The following LPP variants were observed in gnomAD, a reference collection of about 807,000 sequenced individuals.
LPP encodes the protein LIM domain containing preferred translocation partner in lipoma.
A neutral mutation model predicts 60.4 loss-of-function variants in LPP; 38 were observed. That is an observed-to-expected ratio of 0.63 (90% CI 0.49 to 0.83). The LOEUF (loss-of-function observed/expected upper bound fraction) is 0.83, where lower values mean the gene tolerates loss of function less well. Among genes scored for constraint, LPP ranks in the 40% least tolerant of loss-of-function variants. LPP has a pLI of 0.00. For missense variants in LPP, 902 were observed against 783.6 expected, an observed-to-expected ratio of 1.15 and a Z score of -1.80; for synonymous variants, 328 against 290.8, an observed-to-expected ratio of 1.13 and a Z score of -1.30.
chr3:188,294,309 C>G (rs748481980), intron 2 of LPP, among the ~76,000 whole-genome samples: 1 of 151,986 alleles, frequency 6.6e-6, no homozygotes, highest in Non-Finnish European at 1.5e-5. Flanking sequence ...AAAACAGAAC[C>G]GTAAACTTTA....
chr3:188,807,380 T>C (rs1749486336), intron 9 of LPP, among the ~76,000 whole-genome samples: 1 of 152,056 alleles, frequency 6.6e-6, no homozygotes, highest in Non-Finnish European at 1.5e-5. Context: ...CCTTAATTTC[T>C]TGGCTCTTCT....
At chr3:188,246,015 C>T (rs1726831531) in intron 2 of LPP, among the ~76,000 whole-genome samples, 1 of 152,132 alleles carries the variant, frequency 6.6e-6, no homozygotes, top group Non-Finnish European at 1.5e-5. Flanking sequence ...TGGACTGATA[C>T]CATAAAATCG....
At chr3:188,357,733 A>G (rs773055500) in intron 3 of LPP, among the ~76,000 whole-genome samples, 18 of 152,224 alleles carry the variant, frequency 1.2e-4, no homozygotes, top group Non-Finnish European at 2.4e-4. Flanking sequence ...TTCTGAGTAT[A>G]GTTTTGGCCA....
At chr3:188,531,340 T>A (rs1822126878) in intron 6 of LPP, among the ~76,000 whole-genome samples, 1 of 152,174 alleles carries the variant, frequency 6.6e-6, no homozygotes, top group Non-Finnish European at 1.5e-5. Flanking sequence ...TGTTCTAACA[T>A]TATTTTGTTA....
At chr3:188,374,954 A>G (rs1306444177) in intron 3 of LPP, among the ~76,000 whole-genome samples, 3 of 152,010 alleles carry the variant, frequency 2.0e-5, no homozygotes, top group African/African-American at 7.2e-5. Flanking sequence ...TTCTGCATCT[A>G]TTGAGATAAT....
intron 8 of LPP, among the ~76,000 whole-genome samples, chr3:188,751,195 A>T (rs1347468325): frequency 6.6e-6 from 1 of 152,164 alleles, no homozygotes; most frequent in African/African-American, 2.4e-5. Flanking sequence ...TTTGGTCTCA[A>T]ATAACCAGAA....
intron 9 of LPP, among the ~76,000 whole-genome samples, chr3:188,762,025 C>G (rs931318545): frequency 6.6e-6 from 1 of 151,608 alleles, no homozygotes; most frequent in Non-Finnish European, 1.5e-5. Context: ...TTTTATAGCT[C>G]CTGTCTATTT....
chr3:188,407,775 TTTTTG>T (rs1783905018), intron 4 of LPP, among the ~76,000 whole-genome samples: 1 of 22,248 alleles, frequency 4.5e-5, no homozygotes, highest in Admixed American at 1.0e-3. Flanking sequence ...ATGGTTTTTT[TTTTTG>T]TTTGTTTGTT....
intron 7 of LPP, among the ~76,000 whole-genome samples, chr3:188,679,765 A>G (rs1273764201): frequency 6.6e-6 from 1 of 152,144 alleles, no homozygotes; most frequent in Non-Finnish European, 1.5e-5. Flanking sequence ...AATGCATGGC[A>G]TATTTTTCTT....
chr3:188,680,762 C>T (rs78494441), intron 7 of LPP, among the ~76,000 whole-genome samples: 4,447 of 152,266 alleles, frequency 0.029, 93 homozygotes, highest in Middle Eastern at 0.058. Context: ...TTGAAAGGAT[C>T]ATTGTGCTGT....
rs925208780 is a variant in LPP at position 188,770,366 on chromosome 3, G to A, written c.1410+10084G>A. Among the ~76,000 whole-genome samples the A allele has an allele frequency of 2.3e-4, 13 of 56,330 alleles. 1 individual carries two copies. In the South Asian group the frequency reaches 7.2e-3, roughly 31 times the overall value. 37.0% of individuals were successfully genotyped at this position (56,330 alleles called of 152,430 possible). On this transcript the variant is annotated intron_variant, in intron 9 of 11. Coordinates refer to ENST00000617246, the MANE Select transcript of LPP (RefSeq NM_001375462.1). ...GCTATTTTTTTTTTTTTTTTTTTTT[G>A]TATTTTTAGTAGAGATGGGTTTCAC...
intron 9 of LPP, among the ~76,000 whole-genome samples, chr3:188,862,995 C>T (rs887610640): frequency 6.6e-6 from 1 of 152,020 alleles, no homozygotes; most frequent in Non-Finnish European, 1.5e-5. Flanking sequence ...AAAAATATCC[C>T]TCTATGATCC....
intron 7 of LPP, among the ~76,000 whole-genome samples, chr3:188,617,299 G>A (rs1316419966): frequency 6.6e-6 from 1 of 152,146 alleles, no homozygotes; most frequent in Non-Finnish European, 1.5e-5. Context: ...GAGTTATGTG[G>A]TTAGTAAATG....
At chr3:188,340,572 C>A (rs1762800108) in intron 2 of LPP, among the ~76,000 whole-genome samples, 1 of 151,918 alleles carries the variant, frequency 6.6e-6, no homozygotes, top group South Asian at 2.1e-4. Context: ...AACAAATTTG[C>A]TTTGTTCTTA....
At chr3:188,822,784 G>C (rs1336970541) in intron 9 of LPP, among the ~76,000 whole-genome samples, 2 of 152,132 alleles carry the variant, frequency 1.3e-5, no homozygotes, top group African/African-American at 4.8e-5. Flanking sequence ...TTCCCTTCTG[G>C]TGATCTGCTT....
At chr3:188,295,662 C>G (rs555197559) in intron 2 of LPP, among the ~76,000 whole-genome samples, 1 of 152,112 alleles carries the variant, frequency 6.6e-6, no homozygotes, top group Non-Finnish European at 1.5e-5. Context: ...CTCAGCCTCC[C>G]GAGTAACCTG....
rs1769663244 is a variant in LPP, at chr3:188,879,443, CT to C, written c.*4968del. Reference sequence around the variant, plus strand: ...ATATATGTGGCATCCATAAAATCTTCTTTTATAGGGGCATATTTTTTAGGTT... The same window carrying C: ...ATATATGTGGCATCCATAAAATCTTCTTTATAGGGGCATATTTTTTAGGTT... On this transcript the variant is annotated 3_prime_UTR_variant, in exon 12 of 12. Coordinates refer to ENST00000617246, the MANE Select transcript of LPP (RefSeq NM_001375462.1). 1 of 209,088 alleles carries C rather than the reference CT, an allele frequency of 4.8e-6. No individual in the cohort carries two copies. 13.0% of individuals were successfully genotyped at this position (209,088 alleles called of 1,614,324 possible). A position where few individuals can be genotyped will look rare whatever the true frequency, so the allele number is the denominator to read the frequency against.
At chr3:188,501,791 C>T (rs1811984452) in intron 5 of LPP, among the ~76,000 whole-genome samples, 1 of 151,686 alleles carries the variant, frequency 6.6e-6, no homozygotes, top group Non-Finnish European at 1.5e-5. Flanking sequence ...GTGGTGGGCA[C>T]CTGTAATCCC....
chr3:188,231,495 C>T (rs1372358249), intron 2 of LPP, among the ~76,000 whole-genome samples: 2 of 152,266 alleles, frequency 1.3e-5, no homozygotes, highest in East Asian at 3.9e-4. Context: ...GTTTTCAATT[C>T]ATGCCGTGTT....
Sources: gnomAD v4.1 joint callset for allele counts (sites outside exome capture counted in the v4.1 genomes callset) on GRCh38, gnomAD v4.1.1 for gene constraint, MANE v1.5 for transcripts, NCBI Gene and HGNC (gene_info 2026-07-23, HGNC 2026-07-21) for gene names.